LRRTM4: variants seen among roughly 807,000 people sequenced by gnomAD.
LRRTM4 encodes the protein leucine-rich repeat transmembrane neuronal protein 4.
LRRTM4 carries 25 observed loss-of-function variants against 47.6 expected under a neutral mutation model. That is an observed-to-expected ratio of 0.53 (90% confidence interval 0.38 to 0.73). The LOEUF (loss-of-function observed/expected upper bound fraction) is 0.73. LRRTM4 is among the 30% of genes least tolerant of loss of function. LRRTM4 has a pLI of 0.00. For missense variants in LRRTM4, 638 were observed against 713.4 expected, an observed-to-expected ratio of 0.89 and a Z score of 1.20; for synonymous variants, 311 against 269.5, an observed-to-expected ratio of 1.15 and a Z score of -1.51.
intron 3 of LRRTM4, among the ~76,000 whole-genome samples, chr2:76,804,858 A>G (rs1022477934): frequency 6.6e-6 from 1 of 151,296 alleles, no homozygotes; most frequent in African/African-American, 2.4e-5. Context: ...TGATTTGTTA[A>G]TAGATTTTTT....
At chr2:76,952,029 T>C (rs1417804382) in intron 3 of LRRTM4, among the ~76,000 whole-genome samples, 1 of 152,020 alleles carries the variant, frequency 6.6e-6, no homozygotes, top group Non-Finnish European at 1.5e-5. Flanking sequence ...AGTCTATCAC[T>C]GATGGGCATT....
At chr2:77,236,741 G>A (rs1439364398) in intron 3 of LRRTM4, among the ~76,000 whole-genome samples, 1 of 151,982 alleles carries the variant, frequency 6.6e-6, no homozygotes, top group African/African-American at 2.4e-5. Context: ...AGTGATACTG[G>A]ATTTTATTGA....
At chr2:76,816,547 TTTA>T (rs1670900623) in intron 3 of LRRTM4, among the ~76,000 whole-genome samples, 1 of 152,020 alleles carries the variant, frequency 6.6e-6, no homozygotes, top group Non-Finnish European at 1.5e-5. Flanking sequence ...AATCTGTATT[TTTA>T]TTTATTTTTT....
At chr2:77,169,292 T>C (rs1573032995) in intron 3 of LRRTM4, among the ~76,000 whole-genome samples, 1 of 152,212 alleles carries the variant, frequency 6.6e-6, no homozygotes, top group East Asian at 1.9e-4. Context: ...TTGTCAGTTT[T>C]TGTGAACATA....
At chr2:76,850,244 T>C (rs1273439081) in intron 3 of LRRTM4, among the ~76,000 whole-genome samples, 1 of 152,178 alleles carries the variant, frequency 6.6e-6, no homozygotes, top group African/African-American at 2.4e-5. Context: ...TTTCCCTTTG[T>C]CAATTATTAA....
rs1445040698 is a variant in LRRTM4, at chr2:77,472,772, C to G, written c.1551+45546G>C. 2.0e-5 allele frequency among the ~76,000 whole-genome samples: 3 copies of G among 152,098 alleles called. No homozygotes were observed. In the East Asian group the frequency reaches 5.8e-4, roughly 29 times the overall value. On this transcript the variant is annotated intron_variant, in intron 3 of 3. Transcript: ENST00000409884. ...CAGTGCTAAGGTGTGAAACCAGGTACTGGTTTGATTTCCTAACCATTCCAG... is the reference window on the plus strand; with the variant it reads ...CAGTGCTAAGGTGTGAAACCAGGTAGTGGTTTGATTTCCTAACCATTCCAG...
intron 3 of LRRTM4, among the ~76,000 whole-genome samples, chr2:76,968,104 T>C (rs1676088160): frequency 6.6e-6 from 1 of 151,270 alleles, no homozygotes; most frequent in Non-Finnish European, 1.5e-5. Flanking sequence ...CAGATCTATC[T>C]GTGATTAACA....
At chr2:76,782,125 T>C (rs1002233302) in intron 3 of LRRTM4, among the ~76,000 whole-genome samples, 7 of 152,368 alleles carry the variant, frequency 4.6e-5, no homozygotes, top group Non-Finnish European at 7.3e-5. Flanking sequence ...TATAGCTATC[T>C]TGCACCCGCA....
chr2:77,326,826 CT>C (rs1670795130), intron 3 of LRRTM4, among the ~76,000 whole-genome samples: 1 of 152,196 alleles, frequency 6.6e-6, no homozygotes, highest in African/African-American at 2.4e-5. Context: ...TACCAGCCTA[CT>C]TTCCCTTCCT....
In LRRTM4 at chr2:77,331,212, C is replaced by T. The variant is rs189505002; in HGVS notation, c.1551+187106G>A. Among the ~76,000 whole-genome samples, 16 of 152,140 alleles carry T rather than the reference C, an allele frequency of 1.1e-4. No individual in the cohort carries two copies. The East Asian group carries it at 2.9e-3, about 28-fold the overall frequency. ...CAGTTTGTATTTTTCTTCATGTTAG[C>T]ATTATTCTTTCTTATGACAGATGTA... On this transcript the variant is annotated intron_variant, in intron 3 of 3. Coordinates refer to ENST00000409884, the MANE Select transcript of LRRTM4 (RefSeq NM_001134745.3).
intron 3 of LRRTM4, among the ~76,000 whole-genome samples, chr2:76,954,747 A>C (rs1675615333): frequency 6.6e-6 from 1 of 151,814 alleles, no homozygotes; most frequent in Non-Finnish European, 1.5e-5. Context: ...CGCGATAATA[A>C]AATTATCAAA....
At chr2:76,787,772 G>T (rs921164643) in intron 3 of LRRTM4, among the ~76,000 whole-genome samples, 1 of 151,950 alleles carries the variant, frequency 6.6e-6, no homozygotes, top group African/African-American at 2.4e-5. Context: ...TAGATATTCT[G>T]ACAGATAGAG....
At chr2:77,174,698 AG>A (rs1308249834) in intron 3 of LRRTM4, among the ~76,000 whole-genome samples, 2 of 152,016 alleles carry the variant, frequency 1.3e-5, no homozygotes, top group African/African-American at 4.8e-5. Context: ...CACAACGTGC[AG>A]GTTTGTTACA....
intron 3 of LRRTM4, among the ~76,000 whole-genome samples, chr2:77,079,984 C>A (rs1419607103): frequency 6.6e-6 from 1 of 151,998 alleles, no homozygotes; most frequent in Non-Finnish European, 1.5e-5. Context: ...CAACAAAATT[C>A]TCCAAAGAGT....
At chr2:77,004,269 A>G (rs940179733) in intron 3 of LRRTM4, among the ~76,000 whole-genome samples, 3 of 152,308 alleles carry the variant, frequency 2.0e-5, no homozygotes, top group African/African-American at 4.8e-5. Flanking sequence ...TAGGAGGGAA[A>G]AATGGTTTCC....
At chr2:77,008,938 G>GAAAAAAAAAAAAAAAAAAA (rs1346602340) in intron 3 of LRRTM4, 1 of 81,886 alleles carries the variant, frequency 1.2e-5, no homozygotes. Context: ...GAGCCAACAA[G>GAAAAAAAAAAAAAAAAAAA]AAAAAAAAGA....
intron 3 of LRRTM4, among the ~76,000 whole-genome samples, chr2:76,937,138 T>C (rs1461974029): frequency 6.6e-6 from 1 of 151,894 alleles, no homozygotes; most frequent in African/African-American, 2.4e-5. Context: ...GATGGTAATT[T>C]TATTACCCAA....
At chr2:76,798,647 T>G (rs1317632262) in intron 3 of LRRTM4, among the ~76,000 whole-genome samples, 9 of 150,990 alleles carry the variant, frequency 6.0e-5, no homozygotes, top group Non-Finnish European at 7.4e-5. Context: ...CTTCAAAAAA[T>G]TAATGAATCC....
At chr2:76,959,725 T>A (rs992174035) in intron 3 of LRRTM4, among the ~76,000 whole-genome samples, 13 of 151,692 alleles carry the variant, frequency 8.6e-5, no homozygotes, top group Admixed American at 2.0e-4. Flanking sequence ...ATGCAGCTCT[T>A]CCTCTAACTT....
Sources: gnomAD v4.1 joint callset for allele counts (sites outside exome capture counted in the v4.1 genomes callset) on GRCh38, gnomAD v4.1.1 for gene constraint, MANE v1.5 for transcripts, NCBI Gene and HGNC (gene_info 2026-07-23, HGNC 2026-07-21) for gene names.